FAM227A: variants seen among roughly 807,000 people sequenced by gnomAD.
FAM227A encodes the protein family with sequence similarity 227 member A.
FAM227A carries 80 observed loss-of-function variants against 74.7 expected under a neutral mutation model. That is an observed-to-expected ratio of 1.07 (90% CI 0.89 to 1.29). FAM227A has a LOEUF of 1.29. FAM227A is among the 50% of genes most tolerant of loss of function. The pLI, the probability that FAM227A is intolerant of heterozygous loss-of-function variation, is 0.00. For missense variants in FAM227A, 654 were observed against 683.4 expected (o/e 0.96, Z 0.48); for synonymous variants, 237 against 241.8 (o/e 0.98, Z 0.19).
chr22:38,618,648 C>T (rs1217115448), intron 11 of FAM227A: 1 of 152,108 alleles, frequency 6.6e-6, no homozygotes, highest in Non-Finnish European at 1.5e-5. Flanking sequence ...ATACACTTTG[C>T]CTCAGAGGGT....
At chr22:38,589,264 C>T (rs1011053153) in intron 16 of FAM227A, among the ~76,000 whole-genome samples, 6 of 152,142 alleles carry the variant, frequency 3.9e-5, no homozygotes, top group African/African-American at 1.2e-4. Flanking sequence ...GGAAGACTAC[C>T]CTGAACCCCG....
rs774801617 is a variant in FAM227A at position 38,580,129 on chromosome 22, C to T, written c.*5996G>A. The stretch of plus-strand genomic sequence containing the variant: ...AGAGACAAGGTCTCACTATGTTACC[C>T]GGTTTGGTCTCACCTCCTGGGCTCT... On this transcript the variant is annotated 3_prime_UTR_variant, in exon 17 of 17. Coordinates refer to ENST00000535113, the MANE Select transcript of FAM227A (RefSeq NM_001013647.2). 3.3e-5 allele frequency: 5 copies of T among 152,144 alleles called. No individual in the cohort carries two copies. Among genetic ancestry groups the T allele is most frequent in the East Asian group, 1.9e-4 (1 of 5,196 alleles). 9.4% of individuals were successfully genotyped at this position (152,144 alleles called of 1,614,324 possible).
intron 9 of FAM227A, among the ~76,000 whole-genome samples, chr22:38,625,944 A>C (rs75408378): frequency 9.4e-6 from 1 of 106,710 alleles, no homozygotes; most frequent in South Asian, 3.0e-4. Flanking sequence ...CTCTATCTCC[A>C]AAAAAAAAAA....
At chr22:38,633,791 T>C (rs980775162) in intron 6 of FAM227A, among the ~76,000 whole-genome samples, 1 of 152,076 alleles carries the variant, frequency 6.6e-6, no homozygotes, top group Non-Finnish European at 1.5e-5. Context: ...CCAACCACCT[T>C]TGCCTCCCAA....
chr22:38,615,854 G>A (rs1289253538), intron 11 of FAM227A, among the ~76,000 whole-genome samples: 1 of 152,214 alleles, frequency 6.6e-6, no homozygotes, highest in Non-Finnish European at 1.5e-5. Flanking sequence ...GGCAGCTGCT[G>A]CAGTCAGCCA....
At position 38,607,455 on chromosome 22, in the gene FAM227A, T is replaced by C. The variant is rs756926473; in HGVS notation, c.1060A>G (p.Ser354Gly). 4.6e-5 allele frequency: 71 copies of C among 1,551,134 alleles called. No homozygotes were observed. The highest frequency in any genetic ancestry group is 5.9e-5 in the Non-Finnish European group (68 of 1,146,620). The change falls in exon 12 of 17, where the codon AGT (serine) becomes GGT (glycine). Residue 354 changes from serine (S) to glycine (G), a missense_variant. Coordinates refer to ENST00000535113, the MANE Select transcript of FAM227A (RefSeq NM_001013647.2). ...HPQSSSANSP[S>G]EKTSSAKQNS... ...TGCTTGGCCGAAGAGGTTTTTTCAC[T>C]GGGTGAATTTGCACTAGAAGACTTC... is the stretch of plus-strand genomic sequence containing the variant.
chr22:38,620,339 T>C (rs1400958071), intron 10 of FAM227A, 48 bp from the exon 11 acceptor site: 6 of 1,427,344 alleles, frequency 4.2e-6, no homozygotes, highest in Admixed American at 2.0e-5. Context: ...CATGGGACAA[T>C]GAAGATTGTA....
chr22:38,583,559 G>A lies in FAM227A; in HGVS notation c.*2566C>T, dbSNP rs1430657482. 3 of 152,626 alleles carry A rather than the reference G, an allele frequency of 2.0e-5. No homozygotes were observed. The highest frequency in any genetic ancestry group is 1.3e-4 in the Admixed American group (2 of 15,356). The allele number at this position is 152,626 out of a possible 1,614,324, so 9.5% of individuals were successfully genotyped here. ...TGAAAAGTACTGTGCCAAGAACTTT[G>A]CACAAATTATCTCATCTAATCCTCA... On this transcript the variant is annotated 3_prime_UTR_variant, in exon 17 of 17. Transcript: ENST00000535113.
In FAM227A at chr22:38,650,281, A is replaced by T; in HGVS notation, c.-94-19T>A. 8 of 1,063,052 alleles carry T rather than the reference A, an allele frequency of 7.5e-6. No individual in the cohort carries two copies. The South Asian group carries it at 1.3e-4, about 17-fold the overall frequency. 65.9% of individuals were successfully genotyped at this position (1,063,052 alleles called of 1,614,324 possible). ...CAGCCTCCTGGAAATCATAAACAGC[A>T]TAGAGCCAGCTCAGAAAACACAAGA... is the stretch of plus-strand genomic sequence containing the variant. On this transcript the variant is annotated intron_variant, in intron 1 of 16. Transcript: ENST00000535113.
chr22:38,635,695 A>C (rs566232020), intron 6 of FAM227A, among the ~76,000 whole-genome samples: 1 of 152,332 alleles, frequency 6.6e-6, no homozygotes, highest in South Asian at 2.1e-4. Flanking sequence ...TGTCTACATA[A>C]GAAAGAAAAG....
At chr22:38,625,137 C>G (rs1304631859) in intron 9 of FAM227A, among the ~76,000 whole-genome samples, 1 of 152,118 alleles carries the variant, frequency 6.6e-6, no homozygotes, top group Non-Finnish European at 1.5e-5. Context: ...CGCCTGTAAT[C>G]CCAGCACTTT....
At chr22:38,649,867 C>T in intron 2 of FAM227A, 160 bp downstream of exon 2, 1 of 535,988 alleles carries the variant, frequency 1.9e-6, no homozygotes, top group Non-Finnish European at 2.9e-6. Flanking sequence ...AACTCCATCT[C>T]AAAAAAAAAA....
intron 12 of FAM227A, among the ~76,000 whole-genome samples, chr22:38,605,724 T>G (rs1374431389): frequency 1.3e-5 from 2 of 152,222 alleles, no homozygotes; most frequent in Admixed American, 6.5e-5. Flanking sequence ...CTTTGTGAAT[T>G]GAATATATAT....
At position 38,584,261 on chromosome 22, in the gene FAM227A, G is replaced by A. The variant is rs1270559854; in HGVS notation, c.*1864C>T. On this transcript the variant is annotated 3_prime_UTR_variant, in exon 17 of 17. Coordinates refer to ENST00000535113, the MANE Select transcript of FAM227A (RefSeq NM_001013647.2). ...TATTCACAGGGCCTAGTGCAGGGAT[G>A]GTACAGAATAGACATCTAGCAAATA... is the stretch of plus-strand genomic sequence containing the variant. 3 of 152,098 alleles carry A rather than the reference G, an allele frequency of 2.0e-5. No homozygotes were observed. Among genetic ancestry groups the A allele is most frequent in the Non-Finnish European group, 4.4e-5 (3 of 68,040 alleles). 9.4% of individuals were successfully genotyped at this position (152,098 alleles called of 1,614,324 possible). A position where few individuals can be genotyped will look rare whatever the true frequency, so the allele number is the denominator to read the frequency against.
At position 38,629,929 on chromosome 22, in the gene FAM227A, T is replaced by G. The variant is rs564262966; in HGVS notation, c.520-994A>C. On this transcript the variant is annotated intron_variant, in intron 6 of 16. Transcript: ENST00000535113. The stretch of plus-strand genomic sequence containing the variant: ...CAGGAAGCGTGCCTCTTCTTTACCA[T>G]CCATCACTCACACACAGGTGCCTCT... 9.0e-5 allele frequency among the ~76,000 whole-genome samples: 12 copies of G among 132,812 alleles called. 1 individual carries two copies. The highest frequency in any genetic ancestry group is 5.2e-4 in the South Asian group (2 of 3,860). 87.1% of individuals were successfully genotyped at this position (132,812 alleles called of 152,430 possible). A position where few individuals can be genotyped will look rare whatever the true frequency, so the allele number is the denominator to read the frequency against.
rs2092389196 is a variant in FAM227A, at chr22:38,656,131, G to A, written c.-106C>T. On this transcript the variant is annotated 5_prime_UTR_variant, in exon 1 of 17. Coordinates refer to ENST00000535113, the MANE Select transcript of FAM227A (RefSeq NM_001013647.2). ...TCCGTCCGTCTTACCTGAAAGCATC[G>A]GCGGAATTTGACGAACCCGGGGCCG... is the stretch of plus-strand genomic sequence containing the variant. The A allele has an allele frequency of 6.6e-6, 1 of 152,234 alleles. No individual in the cohort carries two copies. Among genetic ancestry groups the A allele is most frequent in the African/African-American group, 2.4e-5 (1 of 41,450 alleles). The allele number at this position is 152,234 out of a possible 1,614,324, so 9.4% of individuals were successfully genotyped here.
In FAM227A at chr22:38,605,315, G is replaced by A; in HGVS notation, c.1160C>T (p.Pro387Leu). 1.9e-6 allele frequency: 3 copies of A among 1,550,688 alleles called. No homozygotes were observed. The highest frequency in any genetic ancestry group is 2.6e-6 in the Non-Finnish European group (3 of 1,145,812). Residue 387 changes from proline to leucine, a missense_variant, in exon 13 of 17, where the codon CCT (proline) becomes CTT (leucine). Coordinates refer to ENST00000535113, the MANE Select transcript of FAM227A (RefSeq NM_001013647.2). ...TGATATCCTCTTGACTTCTTGCGTA[G>A]GTTTCTTCAAGACCAGGGTCTGACA... ...HHCQTLVLKKPTQEVKRISEA... is the reference protein window; with the variant it reads ...HHCQTLVLKKLTQEVKRISEA...
At chr22:38,599,380 G>T (rs5757166) in intron 14 of FAM227A, among the ~76,000 whole-genome samples, 53,291 of 151,926 alleles carry the variant, frequency 0.35, 9,668 homozygotes, top group East Asian at 0.47. Context: ...GGTGTTAGAT[G>T]AAACATACAT....
At chr22:38,633,732 G>C (rs1243807982) in intron 6 of FAM227A, among the ~76,000 whole-genome samples, 1 of 151,962 alleles carries the variant, frequency 6.6e-6, no homozygotes, top group South Asian at 2.1e-4. Context: ...AGTAGAGACA[G>C]GGTTTCACCA....
Sources: allele counts gnomAD v4.1 joint callset (sites outside exome capture counted in the v4.1 genomes callset), GRCh38; gene constraint gnomAD v4.1.1; transcripts MANE v1.5; gene names NCBI Gene and HGNC (gene_info 2026-07-23, HGNC 2026-07-21).